Variants in APOL1 observed in about 807,000 individuals in gnomAD.
APOL1 encodes apolipoprotein L 1.
A neutral mutation model predicts 14.9 loss-of-function variants in APOL1; 17 were observed. The ratio of observed to expected loss-of-function variants is 1.14; its 90% CI spans 0.78 to 1.71. APOL1 has a LOEUF of 1.71. Among genes scored for constraint, APOL1 ranks in the 40% most tolerant of loss-of-function variants. The pLI is 0.00. For synonymous variants in APOL1, 195 were observed against 184.8 expected (o/e 1.05, Z -0.45); for missense variants, 523 against 485.9 (o/e 1.08, Z -0.72).
chr22:36,254,056 A>G, intron 1 of APOL1: 2 of 1,590,420 alleles, frequency 1.3e-6, no homozygotes, highest in East Asian at 2.2e-5. Context: ...TCAAACCTGG[A>G]AACTTTTGGA....
Position 36,265,663 on chromosome 22 carries a change from C to A in APOL1, c.827C>A (p.Thr276Lys). Residue 276 changes from threonine to lysine, a missense_variant, in exon 6 of 6, where the codon ACA becomes AAA. Transcript: ENST00000397278. ...TTAGCTGGCAATACTTACCAACTCACACGAGGCATTGGGAAGGACATCCGT... is the reference window on the plus strand; with the variant it reads ...TTAGCTGGCAATACTTACCAACTCAAACGAGGCATTGGGAAGGACATCCGT... ...LSLAGNTYQL[T>K]RGIGKDIRAL... The A allele has an allele frequency of 1.2e-6, 2 of 1,601,458 alleles. No homozygotes were observed. Among genetic ancestry groups the A allele is most frequent in the Non-Finnish European group, 1.7e-6 (2 of 1,173,310 alleles).
intron 1 of APOL1, chr22:36,253,976 G>A (rs1272952121): frequency 6.2e-7 from 1 of 1,614,216 alleles, no homozygotes; most frequent in Non-Finnish European, 8.5e-7. Context: ...AGATTCAAAA[G>A]CCACACTGTG....
At chr22:36,257,261 T>A in intron 3 of APOL1, 58 bp from the exon 4 acceptor site, 1 of 1,603,858 alleles carries the variant, frequency 6.2e-7, no homozygotes. Flanking sequence ...CAAGCAAGCC[T>A]CCCTCTGTCC....
chr22:36,254,173 T>A (rs982107439), intron 1 of APOL1, among the ~76,000 whole-genome samples: 2 of 152,110 alleles, frequency 1.3e-5, no homozygotes, highest in Non-Finnish European at 2.9e-5. Flanking sequence ...TCACCTCCCC[T>A]CCCAGCCTGA....
At chr22:36,264,007 T>C (rs1024688921) in intron 5 of APOL1, among the ~76,000 whole-genome samples, 1 of 152,068 alleles carries the variant, frequency 6.6e-6, no homozygotes, top group Non-Finnish European at 1.5e-5. Context: ...CTAAACTGAC[T>C]TGGGGAGATT....
At chr22:36,264,980 T>G (rs961615050) in intron 5 of APOL1, among the ~76,000 whole-genome samples, 171 bp from the exon 6 acceptor site, 1 of 151,976 alleles carries the variant, frequency 6.6e-6, no homozygotes, top group East Asian at 1.9e-4. Flanking sequence ...CCCGGCTAAT[T>G]TTTTGAATTT....
chr22:36,254,905 A>C lies in APOL1; in HGVS notation c.-19-32A>C, dbSNP rs192505025. ...AAAATGGTGATTTCTCAGGAGGAGC[A>C]CACTGTCTCAACCCCTCTTTTCCTG... On this transcript the variant is annotated intron_variant, in intron 1 of 5. Transcript: ENST00000397278. 22 of 1,613,176 alleles carry C rather than the reference A, an allele frequency of 1.4e-5. No homozygotes were observed. The East Asian group carries it at 1.6e-4, about 11-fold the overall frequency.
chr22:36,265,612 G>T lies in APOL1; in HGVS notation c.776G>T (p.Gly259Val). ...DKLKEVREFL[G>V]ENISNFLSLA... ...TTGAAGGAGGTGAGGGAGTTTTTGG[G>T]TGAGAACATATCCAACTTTCTTTCC... The change falls in exon 6 of 6, where the codon GGT becomes GTT. Residue 259 changes from glycine to valine, a missense_variant. By Grantham distance (109) the Gly-to-Val change is moderately radical. Transcript: ENST00000397278. 1.3e-6 allele frequency: 2 copies of T among 1,597,330 alleles called. No individual in the cohort carries two copies. Among genetic ancestry groups the T allele is most frequent in the Non-Finnish European group, 8.5e-7 (1 of 1,172,000 alleles).
chr22:36,259,636 C>T, intron 4 of APOL1: 1 of 1,272,348 alleles, frequency 7.9e-7, no homozygotes, highest in Non-Finnish European at 1.0e-6. Flanking sequence ...AAACTCTCCC[C>T]CCAAAACAAG....
rs1016289243 is a variant in APOL1, at chr22:36,267,121, T to G, written c.*1088T>G. ...AAGTCTTTCCCTGGTGATGGTCCCCTGCCCTGTCTTTCCAGCATCCACTCT... is the reference window on the plus strand; with the variant it reads ...AAGTCTTTCCCTGGTGATGGTCCCCGGCCCTGTCTTTCCAGCATCCACTCT... On this transcript the variant is annotated 3_prime_UTR_variant, in exon 6 of 6. Coordinates refer to ENST00000397278, the MANE Select transcript of APOL1 (RefSeq NM_003661.4). The G allele has an allele frequency of 6.6e-6, 1 of 152,266 alleles. No individual in the cohort carries two copies. Among genetic ancestry groups the G allele is most frequent in the Non-Finnish European group, 1.5e-5 (1 of 68,108 alleles). 9.4% of individuals were successfully genotyped at this position (152,266 alleles called of 1,614,324 possible). A position where few individuals can be genotyped will look rare whatever the true frequency, so the allele number is the denominator to read the frequency against.
chr22:36,258,285 A>G (rs1422633672), intron 4 of APOL1, among the ~76,000 whole-genome samples: 1 of 152,232 alleles, frequency 6.6e-6, no homozygotes, highest in African/African-American at 2.4e-5. Flanking sequence ...CTGAGGCCCA[A>G]TAGAATTTTA....
chr22:36,260,898 C>A (rs2016052585), intron 4 of APOL1, among the ~76,000 whole-genome samples: 1 of 152,194 alleles, frequency 6.6e-6, no homozygotes, highest in Admixed American at 6.5e-5. Context: ...TGCTTTTGAA[C>A]CAATAATTTC....
chr22:36,258,861 A>G (rs936443489), intron 4 of APOL1, among the ~76,000 whole-genome samples: 2 of 152,096 alleles, frequency 1.3e-5, no homozygotes, highest in Admixed American at 1.3e-4. Context: ...CAAGGAGGGT[A>G]TGATTGAGTG....
chr22:36,265,055 C>T, intron 5 of APOL1, 96 bp from the exon 6 acceptor site: 1 of 1,468,062 alleles, frequency 6.8e-7, no homozygotes, highest in East Asian at 2.3e-5. Flanking sequence ...TTGTGATCCA[C>T]CCGCCTTGGC....
chr22:36,254,215 T>C (rs1331955988), intron 1 of APOL1, among the ~76,000 whole-genome samples: 1 of 151,870 alleles, frequency 6.6e-6, no homozygotes, highest in African/African-American at 2.4e-5. Context: ...CTGATAGAGC[T>C]GCCAAAAGTC....
chr22:36,261,193 T>C (rs1217374636), intron 4 of APOL1, among the ~76,000 whole-genome samples: 2 of 152,164 alleles, frequency 1.3e-5, no homozygotes, highest in Non-Finnish European at 2.9e-5. Context: ...AGGCAAGAAG[T>C]CCAAGGTGAA....
intron 1 of APOL1, chr22:36,254,077 C>A: frequency 1.3e-6 from 2 of 1,531,338 alleles, no homozygotes; most frequent in South Asian, 2.2e-5. Context: ...TTATTAAAAT[C>A]AAACATTTTT....
At chr22:36,261,747 T>C (rs779109637) in intron 5 of APOL1, 25 bp downstream of exon 5, 1 of 1,603,750 alleles carries the variant, frequency 6.2e-7, no homozygotes. Context: ...GTTACCTCCA[T>C]TGGGCACTCC....
intron 4 of APOL1, among the ~76,000 whole-genome samples, chr22:36,258,953 A>C (rs553908190): frequency 6.6e-6 from 1 of 152,132 alleles, no homozygotes; most frequent in South Asian, 2.1e-4. Context: ...GTTTGTCAGG[A>C]TCCTGTGGGC....
Sources: gnomAD v4.1 joint callset for allele counts (sites outside exome capture counted in the v4.1 genomes callset) on GRCh38, gnomAD v4.1.1 for gene constraint, MANE v1.5 for transcripts, NCBI Gene and HGNC (gene_info 2026-07-23, HGNC 2026-07-21) for gene names.